CGGBP1: variants seen among roughly 807,000 people sequenced by gnomAD.
The protein encoded by CGGBP1 is CGG triplet repeat binding protein 1.
CGGBP1 carries 4 observed loss-of-function variants against 11.4 expected under a neutral mutation model. The ratio of observed to expected loss-of-function variants is 0.35; its 90% CI spans 0.17 to 0.80. The LOEUF is 0.80. CGGBP1 is among the 30% of genes least tolerant of loss of function. CGGBP1 has a pLI of 0.52. For missense variants in CGGBP1, 135 were observed against 202.1 expected (o/e 0.67, Z 2.01); for synonymous variants, 76 against 74.1 (o/e 1.03, Z -0.13).
At chr3:88,068,313 A>T (rs76951737) in intron 2 of CGGBP1, among the ~76,000 whole-genome samples, 1,613 of 152,206 alleles carry the variant, frequency 0.011, 29 homozygotes, top group African/African-American at 0.036. Flanking sequence ...TGAGACAGAA[A>T]GGGACAGGTT....
At chr3:88,147,615 A>G (rs1225878477) in intron 1 of CGGBP1, among the ~76,000 whole-genome samples, 2 of 152,270 alleles carry the variant, frequency 1.3e-5, no homozygotes, top group Admixed American at 6.5e-5. Flanking sequence ...AAATTCAAAT[A>G]AAACATAAAA....
At chr3:88,109,146 TGTG>T (rs1704933585) in intron 2 of CGGBP1, among the ~76,000 whole-genome samples, 1 of 145,920 alleles carries the variant, frequency 6.9e-6, no homozygotes, top group East Asian at 2.0e-4. Flanking sequence ...GGCACTAGTG[TGTG>T]TGTGTGTGTG....
intron 2 of CGGBP1, chr3:88,095,521 C>G (rs765091329): frequency 1.6e-5 from 8 of 488,268 alleles, no homozygotes; most frequent in Admixed American, 1.6e-4. Context: ...ACATTAGCTT[C>G]TTTTGCAAGA....
chr3:88,129,930 T>C, intron 2 of CGGBP1: 1 of 1,083,616 alleles, frequency 9.2e-7, no homozygotes, highest in Non-Finnish European at 1.2e-6. Context: ...GTCAAGCTAC[T>C]TTTAAAAAAA....
intron 2 of CGGBP1, among the ~76,000 whole-genome samples, chr3:88,130,938 A>C (rs1199095601): frequency 6.6e-6 from 1 of 152,150 alleles, no homozygotes; most frequent in Non-Finnish European, 1.5e-5. Flanking sequence ...TTTCAAATAG[A>C]GAAAGGGATT....
intron 2 of CGGBP1, among the ~76,000 whole-genome samples, chr3:88,071,121 T>C (rs1404673357): frequency 1.3e-5 from 2 of 152,222 alleles, no homozygotes; most frequent in Non-Finnish European, 2.9e-5. Context: ...TATTCAATTT[T>C]TGCTTTCCTT....
chr3:88,115,642 T>A (rs1259970789), intron 2 of CGGBP1, among the ~76,000 whole-genome samples: 1 of 152,184 alleles, frequency 6.6e-6, no homozygotes. Flanking sequence ...AAGTAGAAAT[T>A]TTTAACTCTT....
intron 2 of CGGBP1, chr3:88,139,748 A>C: frequency 6.4e-7 from 1 of 1,555,050 alleles, no homozygotes; most frequent in Non-Finnish European, 8.7e-7. Flanking sequence ...TCAAGCCTTT[A>C]ACTGAATGTG....
intron 2 of CGGBP1, among the ~76,000 whole-genome samples, chr3:88,094,051 C>G (rs1172367357): frequency 6.6e-6 from 1 of 151,772 alleles, no homozygotes; most frequent in African/African-American, 2.4e-5. Flanking sequence ...AGAGAAAAAT[C>G]TAGGTCGTCT....
chr3:88,101,340 A>G (rs1704412216), intron 2 of CGGBP1, among the ~76,000 whole-genome samples: 1 of 152,094 alleles, frequency 6.6e-6, no homozygotes. Flanking sequence ...TAGAGTTGCT[A>G]TTTCTAGACA....
In CGGBP1 at chr3:88,055,984, C is replaced by A. The variant is rs369645552; in HGVS notation, c.-8G>T. On this transcript the variant is annotated 5_prime_UTR_variant, in exon 4 of 4. An upstream open reading frame in the 5' UTR gains an earlier in-frame stop. Coordinates refer to ENST00000482016, the MANE Select transcript of CGGBP1 (RefSeq NM_001008390.2). The surrounding 1 kb of genome is among the most constrained non-coding windows in gnomAD (Gnocchi z 4.2). ...TACTACAAATCGCTCCATTCTGACTCTAAATAAATATGGTTCTTTCAAGAC... is the reference window on the plus strand; with the variant it reads ...TACTACAAATCGCTCCATTCTGACTATAAATAAATATGGTTCTTTCAAGAC... The A allele has an allele frequency of 9.1e-5, 144 of 1,590,800 alleles. No homozygotes were observed. The highest frequency in any genetic ancestry group is 3.4e-4 in the Middle Eastern group (2 of 5,928).
At chr3:88,134,963 C>A in intron 2 of CGGBP1, 1 of 826,686 alleles carries the variant, frequency 1.2e-6, no homozygotes, top group Non-Finnish European at 1.7e-6. Context: ...CACTCATATA[C>A]ATCCCAGCCA....
At chr3:88,148,870 G>T (rs111614804) in intron 1 of CGGBP1, among the ~76,000 whole-genome samples, 7 of 152,154 alleles carry the variant, frequency 4.6e-5, no homozygotes, top group Non-Finnish European at 1.0e-4. Context: ...CGAACTCCTG[G>T]CCTCTTGTGA....
intron 2 of CGGBP1, among the ~76,000 whole-genome samples, chr3:88,082,300 T>G (rs1416308826): frequency 1.3e-5 from 2 of 152,116 alleles, no homozygotes; most frequent in Non-Finnish European, 2.9e-5. Context: ...CTAATTTTTA[T>G]ATTTTTAGTA....
chr3:88,059,134 G>T (rs999156996), upstream of CGGBP1: 4 of 1,129,444 alleles, frequency 3.5e-6, no homozygotes, highest in African/African-American at 4.7e-5. Flanking sequence ...TTGGCAGCTT[G>T]CGTCTTCCAA....
At chr3:88,081,905 A>G (rs563421113) in intron 2 of CGGBP1, among the ~76,000 whole-genome samples, 1 of 152,214 alleles carries the variant, frequency 6.6e-6, no homozygotes, top group Non-Finnish European at 1.5e-5. Context: ...ATACTTTTAT[A>G]TATACAACTA....
intron 2 of CGGBP1, among the ~76,000 whole-genome samples, chr3:88,068,100 T>A (rs1321475383): frequency 1.3e-5 from 2 of 152,026 alleles, no homozygotes; most frequent in African/African-American, 4.8e-5. Flanking sequence ...CTATTAAGAG[T>A]ACATGGAGGT....
rs1706480658 is a variant in CGGBP1, at chr3:88,053,738, T to C, written c.*1735A>G. On this transcript the variant is annotated 3_prime_UTR_variant, in exon 4 of 4. Transcript: ENST00000482016. Reference sequence around the variant, plus strand: ...CATCTTAGATAGTTCAAATTAAACATGGTTGCCTGCAAATTCTTTTCTAGA... The same window carrying C: ...CATCTTAGATAGTTCAAATTAAACACGGTTGCCTGCAAATTCTTTTCTAGA... 1 of 152,600 alleles carries C rather than the reference T, an allele frequency of 6.6e-6. No homozygotes were observed. Among genetic ancestry groups the C allele is most frequent in the African/African-American group, 2.4e-5 (1 of 41,454 alleles). 9.5% of individuals were successfully genotyped at this position (152,600 alleles called of 1,614,324 possible).
At position 88,064,865 on chromosome 3, in the gene CGGBP1, AAAT is replaced by A. The variant is rs1231608508; in HGVS notation, c.-228-6645_-228-6643del. On this transcript the variant is annotated intron_variant, in intron 2 of 3. Coordinates refer to the CGGBP1 transcript ENST00000462901. Reference sequence around the variant, plus strand: ...TCTCAAATTAGTTTTCTAGCTCAGTAAATAATAATATGAAAGATGAAAAGGAAA... The same window carrying A: ...TCTCAAATTAGTTTTCTAGCTCAGTAAATAATATGAAAGATGAAAAGGAAA... Among the ~76,000 whole-genome samples the A allele has an allele frequency of 1.3e-4, 20 of 152,360 alleles. No homozygotes were observed. The South Asian group carries it at 2.9e-3, about 22-fold the overall frequency.
Sources: gnomAD v4.1 joint callset for allele counts (sites outside exome capture counted in the v4.1 genomes callset) on GRCh38, gnomAD v4.1.1 for gene constraint, Gnocchi (gnomAD v3.1) non-coding constraint, MANE v1.5 for transcripts, NCBI Gene and HGNC (gene_info 2026-07-23, HGNC 2026-07-21) for gene names.